UNC5D: variants seen among roughly 807,000 people sequenced by gnomAD.
UNC5D encodes netrin receptor UNC5D.
A neutral mutation model predicts 105.4 loss-of-function variants in UNC5D; 39 were observed. That is an observed-to-expected ratio of 0.37 (90% CI 0.29 to 0.48). The LOEUF (loss-of-function observed/expected upper bound fraction) is 0.48. UNC5D is among the 20% of genes least tolerant of loss of function. The pLI, the probability that UNC5D is intolerant of heterozygous loss-of-function variation, is 0.98. For synonymous variants in UNC5D, 452 were observed against 450.4 expected (o/e 1.00, Z -0.04); for missense variants, 991 against 1,202.4 (o/e 0.82, Z 2.60).
intron 1 of UNC5D, among the ~76,000 whole-genome samples, chr8:35,457,899 G>A (rs535041253): frequency 3.3e-5 from 5 of 152,080 alleles, no homozygotes; most frequent in Non-Finnish European, 7.4e-5. Context: ...CAGTGGTCTT[G>A]GAATTTCTAC....
At chr8:35,614,725 C>T (rs1259041374) in intron 4 of UNC5D, among the ~76,000 whole-genome samples, 1 of 151,962 alleles carries the variant, frequency 6.6e-6, no homozygotes, top group Non-Finnish European at 1.5e-5. Flanking sequence ...GCCCAAATAC[C>T]CTCATCATTA....
At chr8:35,305,784 CTTTCTTTCTTTCTCTCT>C (rs1184271506) in intron 1 of UNC5D, among the ~76,000 whole-genome samples, 21 of 148,978 alleles carry the variant, frequency 1.4e-4, no homozygotes, top group African/African-American at 3.5e-4. Context: ...CTCTCTGCCT[CTTTCTTTCTTTCTCTCT>C]TTTCTTTCTT....
intron 1 of UNC5D, among the ~76,000 whole-genome samples, chr8:35,536,900 G>T (rs2130598310): frequency 6.6e-6 from 1 of 152,246 alleles, no homozygotes; most frequent in African/African-American, 2.4e-5. Context: ...GGAGGCTGAG[G>T]CAGGAGAATC....
chr8:35,627,653 G>T (rs1821769289), intron 4 of UNC5D, among the ~76,000 whole-genome samples: 1 of 152,098 alleles, frequency 6.6e-6, no homozygotes, highest in African/African-American at 2.4e-5. Flanking sequence ...ACTTGACTGG[G>T]CGCGGTGGCT....
intron 1 of UNC5D, among the ~76,000 whole-genome samples, chr8:35,382,154 T>C (rs1585712852): frequency 6.6e-6 from 1 of 152,322 alleles, no homozygotes; most frequent in Non-Finnish European, 1.5e-5. Flanking sequence ...CACAAAGCAG[T>C]CTGGAATAAC....
At position 35,637,498 on chromosome 8, in the gene UNC5D, C is replaced by T. The variant is rs185398252; in HGVS notation, c.570+41841C>T. Among the ~76,000 whole-genome samples, 9 of 152,098 alleles carry T rather than the reference C, an allele frequency of 5.9e-5. No homozygotes were observed. The East Asian group carries it at 1.7e-3, about 30-fold the overall frequency. On this transcript the variant is annotated intron_variant, in intron 4 of 16. Transcript: ENST00000404895. ...GGAGAGAAAGCCAGTCATAATGAGC[C>T]CATTTTAGGGATGGATGTGAAATAC...
intron 15 of UNC5D, 71 bp from the exon 16 acceptor site, chr8:35,774,228 T>TA: frequency 1.9e-6 from 3 of 1,570,168 alleles, no homozygotes; most frequent in Non-Finnish European, 2.6e-6. Flanking sequence ...CAGATTTTCT[T>TA]AAAAAATGAA....
intron 3 of UNC5D, among the ~76,000 whole-genome samples, chr8:35,572,309 A>G (rs1817794519): frequency 6.6e-6 from 1 of 151,038 alleles, no homozygotes; most frequent in Non-Finnish European, 1.5e-5. Context: ...AACCCACACA[A>G]AACAAGCAAA....
In UNC5D at chr8:35,711,451, A is replaced by G. The variant is rs1468579452; in HGVS notation, c.1117+5490A>G. Among the ~76,000 whole-genome samples, 8 of 152,010 alleles carry G rather than the reference A, an allele frequency of 5.3e-5. No homozygotes were observed. In the South Asian group the frequency reaches 1.7e-3, roughly 32 times the overall value. On this transcript the variant is annotated intron_variant, in intron 8 of 16. Coordinates refer to ENST00000404895, the MANE Select transcript of UNC5D (RefSeq NM_080872.4). ...TGCCTTAACCTCCCAAAGTGCTGGGATTACAGACATGAGCCACCGCGCTGG... is the reference window on the plus strand; with the variant it reads ...TGCCTTAACCTCCCAAAGTGCTGGGGTTACAGACATGAGCCACCGCGCTGG...
chr8:35,676,830 C>T (rs1200185766), intron 4 of UNC5D, among the ~76,000 whole-genome samples: 1 of 151,710 alleles, frequency 6.6e-6, no homozygotes, highest in Non-Finnish European at 1.5e-5. Context: ...ATAACATTCA[C>T]CAGGGGTCGG....
intron 1 of UNC5D, among the ~76,000 whole-genome samples, chr8:35,380,858 T>G (rs539851839): frequency 9.8e-5 from 15 of 152,312 alleles, no homozygotes; most frequent in Non-Finnish European, 5.9e-5. Context: ...TTAAGGGAAA[T>G]GAAGCCTTGA....
intron 4 of UNC5D, among the ~76,000 whole-genome samples, chr8:35,613,518 A>G (rs1820830218): frequency 6.6e-6 from 1 of 152,182 alleles, no homozygotes; most frequent in South Asian, 2.1e-4. Context: ...TCTTTAATAA[A>G]TTTATTTTTC....
chr8:35,549,166 T>A, intron 1 of UNC5D, 126 bp from the exon 2 acceptor site: 1 of 873,948 alleles, frequency 1.1e-6, no homozygotes, highest in Non-Finnish European at 1.7e-6. Flanking sequence ...TCTACAAGCA[T>A]GCTTTATTAA....
chr8:35,712,907 C>G (rs1360549810), intron 8 of UNC5D, among the ~76,000 whole-genome samples: 2 of 152,054 alleles, frequency 1.3e-5, no homozygotes, highest in Admixed American at 6.6e-5. Context: ...TATTTTTTGT[C>G]CATTTTTCCT....
chr8:35,470,534 T>C (rs1809630056), intron 1 of UNC5D, among the ~76,000 whole-genome samples: 1 of 148,204 alleles, frequency 6.7e-6, no homozygotes, highest in Admixed American at 6.9e-5. Context: ...GGTGGGATGA[T>C]CACCTGAGTC....
chr8:35,288,872 A>C (rs1225734848), intron 1 of UNC5D, among the ~76,000 whole-genome samples: 1 of 152,190 alleles, frequency 6.6e-6, no homozygotes, highest in African/African-American at 2.4e-5. Flanking sequence ...GTAAGAAGAA[A>C]GAATTCAAAG....
chr8:35,725,596 T>G (rs1357416775), intron 9 of UNC5D, among the ~76,000 whole-genome samples: 1 of 152,044 alleles, frequency 6.6e-6, no homozygotes, highest in Non-Finnish European at 1.5e-5. Flanking sequence ...GCCCTGACCC[T>G]TTTGCTCTGA....
chr8:35,737,252 CTG>C (rs369792188), intron 11 of UNC5D, among the ~76,000 whole-genome samples: 18,534 of 119,554 alleles, frequency 0.16, 1,184 homozygotes, highest in Non-Finnish European at 0.17. Flanking sequence ...AAGATCTGCT[CTG>C]TGTGTGTGTG....
At chr8:35,313,754 G>T (rs117601847) in intron 1 of UNC5D, among the ~76,000 whole-genome samples, 2 of 152,098 alleles carry the variant, frequency 1.3e-5, no homozygotes, top group Non-Finnish European at 2.9e-5. Flanking sequence ...ATACCGTACC[G>T]CAGCTTCATC....
Sources: gnomAD v4.1 joint callset for allele counts (sites outside exome capture counted in the v4.1 genomes callset) on GRCh38, gnomAD v4.1.1 for gene constraint, MANE v1.5 for transcripts, NCBI Gene and HGNC (gene_info 2026-07-23, HGNC 2026-07-21) for gene names.